SHROOM2: variants seen among roughly 807,000 people sequenced by gnomAD.
SHROOM2 encodes protein Shroom2.
In SHROOM2, 33 loss-of-function variants were observed where a neutral mutation model predicts 75.9. The observed-to-expected ratio is 0.43, with a 90% CI of 0.33 to 0.58. SHROOM2 has a LOEUF of 0.58. Ranked by LOEUF, SHROOM2 falls within the 20% of genes least tolerant of loss-of-function variation. SHROOM2 has a pLI of 0.04. For synonymous variants in SHROOM2, 655 were observed against 663.6 expected (o/e 0.99, Z 0.20); for missense variants, 1,434 against 1,461.2 (o/e 0.98, Z 0.30).
intron 5 of SHROOM2, among the ~76,000 whole-genome samples, chrX:9,911,608 G>T (rs914626925): frequency 9.0e-6 from 1 of 110,748 alleles, no homozygotes; most frequent in Non-Finnish European, 1.9e-5. Context: ...CTGGGGCTGC[G>T]TTAGGAGGGA....
chrX:9,823,071 CCTCCCTT>C (rs2083865362), intron 1 of SHROOM2, among the ~76,000 whole-genome samples: 1 of 21,018 alleles, frequency 4.8e-5, no homozygotes, highest in Non-Finnish European at 9.7e-5. Context: ...TCCTCCTCCT[CCTCCCTT>C]CTCCCTTCTC....
chrX:9,930,156 G>T (rs963286623), intron 5 of SHROOM2, among the ~76,000 whole-genome samples: 9 of 111,433 alleles, frequency 8.1e-5, no homozygotes, highest in African/African-American at 2.6e-4. Context: ...TAGATTTCAG[G>T]AGTTTTCAAA....
At chrX:9,824,785 G>A (rs2083879698) in intron 1 of SHROOM2, among the ~76,000 whole-genome samples, 1 of 111,631 alleles carries the variant, frequency 9.0e-6, no homozygotes, top group African/African-American at 3.3e-5. Flanking sequence ...TTTGAACTGT[G>A]CAGGGTCTTA....
intron 1 of SHROOM2, among the ~76,000 whole-genome samples, chrX:9,787,059 C>A (rs976643717): frequency 2.7e-5 from 3 of 111,952 alleles, no homozygotes; most frequent in Non-Finnish European, 5.7e-5. Flanking sequence ...TGTCCCCGAG[C>A]CGTCCCCACC....
chrX:9,830,795 G>A (rs775055961), intron 1 of SHROOM2, among the ~76,000 whole-genome samples: 317 of 109,188 alleles, frequency 2.9e-3, no homozygotes, highest in Middle Eastern at 9.3e-3. Flanking sequence ...GTAGAGACAG[G>A]GTTTCTCCAT....
intron 3 of SHROOM2, among the ~76,000 whole-genome samples, chrX:9,892,165 A>G (rs1346844818): frequency 9.3e-6 from 1 of 107,368 alleles, no homozygotes; most frequent in East Asian, 2.9e-4. Context: ...AGGCAGTAGG[A>G]TCACTGAAGC....
At chrX:9,792,053 AT>A (rs1171165446) in intron 1 of SHROOM2, among the ~76,000 whole-genome samples, 1,359 of 23,269 alleles carry the variant, frequency 0.058, 90 homozygotes, top group East Asian at 0.1. Context: ...ATAGAATAGA[AT>A]AGAATAGAAT....
chrX:9,861,153 A>G (rs2084101317), intron 1 of SHROOM2, among the ~76,000 whole-genome samples: 1 of 112,004 alleles, frequency 8.9e-6, no homozygotes, highest in South Asian at 3.7e-4. Flanking sequence ...AACACATTTG[A>G]TATTATGTTT....
intron 1 of SHROOM2, among the ~76,000 whole-genome samples, chrX:9,849,313 C>T: frequency 8.9e-6 from 1 of 111,989 alleles, no homozygotes; most frequent in Middle Eastern, 4.6e-3. Context: ...GCTTCACCTC[C>T]TGTTGATCTC....
Position 9,816,837 on chromosome X carries a change from A to G in SHROOM2, c.165+30127A>G, listed in dbSNP as rs149858387. 3.3e-3 allele frequency among the ~76,000 whole-genome samples: 369 copies of G among 110,894 alleles called. 2 individuals carry two copies. The highest frequency in any genetic ancestry group is 0.011 in the African/African-American group (334 of 30,492). On this transcript the variant is annotated intron_variant, in intron 1 of 9. Coordinates refer to ENST00000380913, the MANE Select transcript of SHROOM2 (RefSeq NM_001649.4). ...AAATCAAAACCTTCACCTCTTCATC[A>G]TTTCTGGTTATATTTCAGAAACCCG...
At chrX:9,855,754 C>T (rs1266080703) in intron 1 of SHROOM2, among the ~76,000 whole-genome samples, 2 of 111,606 alleles carry the variant, frequency 1.8e-5, no homozygotes, top group African/African-American at 3.3e-5. Flanking sequence ...GTGTCAGCCG[C>T]CTTGTCGCTG....
At chrX:9,828,648 A>G (rs1907513353) in intron 1 of SHROOM2, among the ~76,000 whole-genome samples, 1 of 109,663 alleles carries the variant, frequency 9.1e-6, no homozygotes, top group Admixed American at 9.7e-5. Flanking sequence ...TTTTTTTTGT[A>G]GAGATGGGGT....
chrX:9,946,843 T>A lies in SHROOM2; in HGVS notation c.4757T>A (p.Ile1586Asn), dbSNP rs1350135883. The change falls in exon 10 of 10, where the codon ATC (isoleucine) becomes AAC (asparagine). Residue 1586 changes from isoleucine to asparagine, a missense_variant. This residue lies in a region of SHROOM2 where 80 missense variants were observed against 88.4 expected (regional missense o/e 0.90). Transcript: ENST00000380913. ...TTCGTGAAGATGAAGTCGGCCCTCA[T>A]CATCGAGCAGCGGGAGCTGGAAGAT... ...EHFVKMKSAL[I>N]IEQRELEDKI... is the part of the protein sequence containing the mutation. The A allele has an allele frequency of 8.3e-7, 1 of 1,200,535 alleles. No individual in the cohort carries two copies. Among genetic ancestry groups the A allele is most frequent in the Non-Finnish European group, 1.1e-6 (1 of 889,521 alleles).
At chrX:9,916,969 G>T (rs1022202710) in intron 5 of SHROOM2, among the ~76,000 whole-genome samples, 1 of 111,767 alleles carries the variant, frequency 8.9e-6, no homozygotes. Flanking sequence ...GTGGCTACTG[G>T]CTTCTGTTAG....
In SHROOM2 at chrX:9,937,676, C is replaced by T; in HGVS notation, c.4130C>T (p.Thr1377Ile). The stretch of plus-strand genomic sequence containing the variant: ...CCCAAAATCCCCTCTCCTAGAAGCA[C>T]AGAGGAGAGGTGAGTAGGCGTGGCC... Reference protein sequence around the residue: ...LLPKIPSPRSTEERKEEPSVP... With the variant: ...LLPKIPSPRSIEERKEEPSVP... The change falls in exon 7 of 10, where the codon ACA (threonine) becomes ATA (isoleucine). Residue 1377 changes from threonine (T) to isoleucine (I), a missense_variant. Physicochemically the swap from Thr to Ile is moderately conservative, Grantham distance 89. Around this residue, in one of 3 missense-constraint regions of SHROOM2, gnomAD observed 1,340 missense variants for 1,338.3 expected, o/e 1.00. Transcript: ENST00000380913. 8.4e-7 allele frequency: 1 copy of T among 1,185,662 alleles called. No homozygotes were observed. Among genetic ancestry groups the T allele is most frequent in the Non-Finnish European group, 1.1e-6 (1 of 881,714 alleles).
intron 1 of SHROOM2, among the ~76,000 whole-genome samples, chrX:9,789,222 A>G (rs967483192): frequency 8.9e-6 from 1 of 111,828 alleles, no homozygotes; most frequent in African/African-American, 3.2e-5. Flanking sequence ...GGGCATCCAC[A>G]GTGGCTGTTC....
chrX:9,804,104 T>C (rs1358201300), intron 1 of SHROOM2, among the ~76,000 whole-genome samples: 2 of 111,674 alleles, frequency 1.8e-5, no homozygotes, highest in African/African-American at 6.5e-5. Context: ...AATTCTGTGG[T>C]GTCTGATGTC....
At chrX:9,904,442 C>T (rs1195354989) in intron 5 of SHROOM2, among the ~76,000 whole-genome samples, 1 of 112,136 alleles carries the variant, frequency 8.9e-6, no homozygotes. Context: ...TCATGTGACT[C>T]CTAGGCTGTG....
At chrX:9,827,675 A>G (rs2083895186) in intron 1 of SHROOM2, among the ~76,000 whole-genome samples, 1 of 108,992 alleles carries the variant, frequency 9.2e-6, no homozygotes, top group South Asian at 4.1e-4. Context: ...GGGAGTATGG[A>G]ATGCACTCTC....
Sources: gnomAD v4.1 joint callset for allele counts (sites outside exome capture counted in the v4.1 genomes callset) on GRCh38, gnomAD v4.1.1 for gene constraint, gnomAD v4.1.1 regional missense constraint, MANE v1.5 for transcripts, NCBI Gene and HGNC (gene_info 2026-07-23, HGNC 2026-07-21) for gene names.